The following KLHL7 variants were observed in gnomAD, a reference collection of about 807,000 sequenced individuals.
KLHL7 encodes the protein kelch like family member 7.
In KLHL7, 44 loss-of-function variants were observed where a neutral mutation model predicts 67.4. The ratio of observed to expected loss-of-function variants is 0.65; its 90% confidence interval spans 0.51 to 0.84. The LOEUF is 0.84. Ranked by LOEUF, KLHL7 falls within the 40% of genes least tolerant of loss-of-function variation. KLHL7 has a pLI of 0.00. For synonymous variants in KLHL7, 252 were observed against 243.3 expected, an observed-to-expected ratio of 1.04 and a Z score of -0.33; for missense variants, 362 against 718.1, an observed-to-expected ratio of 0.50 and a Z score of 5.67.
intron 5 of KLHL7, among the ~76,000 whole-genome samples, chr7:23,142,956 C>T (rs1456924995): frequency 6.6e-6 from 1 of 151,888 alleles, no homozygotes; most frequent in East Asian, 1.9e-4. Context: ...ACAAATATAC[C>T]ATACTAATGC....
chr7:23,168,811 T>C (rs1038062690), intron 9 of KLHL7, among the ~76,000 whole-genome samples: 1 of 152,218 alleles, frequency 6.6e-6, no homozygotes, highest in Non-Finnish European at 1.5e-5. Flanking sequence ...CCATCGTTCT[T>C]CCCTTACTAG....
At position 23,174,111 on chromosome 7, in the gene KLHL7, C is replaced by T; in HGVS notation, c.1574C>T (p.Ala525Val). 6.2e-7 allele frequency: 1 copy of T among 1,614,198 alleles called. No individual in the cohort carries two copies. Among genetic ancestry groups the T allele is most frequent in the Non-Finnish European group, 8.5e-7 (1 of 1,180,024 alleles). The change falls in exon 11 of 11, where the codon GCA (alanine) becomes GTA (valine). Residue 525 changes from alanine (A) to valine (V), a missense_variant. Physicochemically the swap from Ala to Val is moderately conservative, Grantham distance 64. Transcript: ENST00000339077. Reference protein sequence around the residue: ...PWKGVTVKCAAVGSIVYVLAG... With the variant: ...PWKGVTVKCAVVGSIVYVLAG... ...AAGGGTGTAACAGTGAAATGTGCAG[C>T]AGTTGGCTCTATAGTTTATGTCTTG...
intron 9 of KLHL7, among the ~76,000 whole-genome samples, chr7:23,172,633 TG>T (rs531953822): frequency 2.0e-4 from 31 of 152,360 alleles, no homozygotes; most frequent in African/African-American, 5.5e-4. Context: ...TCTTCTTTTT[TG>T]TTCCCATATT....
intron 1 of KLHL7, chr7:23,106,589 A>G: frequency 9.6e-6 from 10 of 1,037,004 alleles, no homozygotes; most frequent in Non-Finnish European, 1.2e-5. Context: ...GCTCTTAAAT[A>G]AGGATCCCCG....
intron 4 of KLHL7, among the ~76,000 whole-genome samples, chr7:23,133,926 T>C (rs1416829117): frequency 6.6e-6 from 1 of 152,204 alleles, no homozygotes; most frequent in Non-Finnish European, 1.5e-5. Context: ...CCTTTCTGGT[T>C]TGGCTGCCTC....
At chr7:23,106,456 G>A in intron 1 of KLHL7, 6 of 1,222,582 alleles carry the variant, frequency 4.9e-6, no homozygotes, top group East Asian at 4.8e-5. Context: ...CTCTTTGTGG[G>A]GCGAGGATCC....
At chr7:23,121,360 C>T (rs1207239806) in intron 1 of KLHL7, among the ~76,000 whole-genome samples, 1 of 152,090 alleles carries the variant, frequency 6.6e-6, no homozygotes, top group Non-Finnish European at 1.5e-5. Context: ...AATCACAACT[C>T]ACTGCAACCT....
intron 1 of KLHL7, among the ~76,000 whole-genome samples, chr7:23,110,659 C>T (rs1416689857): frequency 6.6e-6 from 1 of 151,518 alleles, no homozygotes; most frequent in East Asian, 1.9e-4. Context: ...TACATGTGCA[C>T]AATGTGCAGG....
chr7:23,126,645 T>C (rs1352281685), intron 4 of KLHL7, among the ~76,000 whole-genome samples: 1 of 152,186 alleles, frequency 6.6e-6, no homozygotes, highest in East Asian at 1.9e-4. Flanking sequence ...TTTGTAGGCT[T>C]TCCTCCTTCC....
chr7:23,167,044 G>C (rs1026620504), intron 8 of KLHL7, among the ~76,000 whole-genome samples: 3 of 151,832 alleles, frequency 2.0e-5, no homozygotes, highest in African/African-American at 7.3e-5. Flanking sequence ...AATTATAAAG[G>C]TGTTGTCGTT....
At chr7:23,111,752 G>A (rs1248891446) in intron 1 of KLHL7, among the ~76,000 whole-genome samples, 1 of 146,226 alleles carries the variant, frequency 6.8e-6, no homozygotes, top group Non-Finnish European at 1.5e-5. Context: ...AACCCGGGAG[G>A]CAGAGGTTGT....
intron 4 of KLHL7, among the ~76,000 whole-genome samples, chr7:23,132,595 G>C (rs138856836): frequency 1.8e-3 from 276 of 152,200 alleles, no homozygotes; most frequent in African/African-American, 6.4e-3. Context: ...TCTATAGGTT[G>C]TCTCTTCACT....
intron 3 of KLHL7, 21 bp from the exon 4 acceptor site, chr7:23,125,027 T>C (rs1173374852): frequency 6.2e-7 from 1 of 1,602,658 alleles, no homozygotes; most frequent in South Asian, 1.1e-5. Flanking sequence ...GTAACTAATA[T>C]TCCCTCTAAC....
intron 1 of KLHL7, among the ~76,000 whole-genome samples, chr7:23,114,522 C>T (rs148597466): frequency 5.8e-4 from 89 of 152,262 alleles, no homozygotes; most frequent in African/African-American, 2.1e-3. Flanking sequence ...CCCCAAACTC[C>T]AGCACAAAGT....
At chr7:23,113,879 G>C (rs1782979157) in intron 1 of KLHL7, among the ~76,000 whole-genome samples, 1 of 152,152 alleles carries the variant, frequency 6.6e-6, no homozygotes, top group South Asian at 2.1e-4. Flanking sequence ...TGGTTGCCAG[G>C]CTGTTAATTC....
intron 1 of KLHL7, chr7:23,117,700 A>G (rs1019271297): frequency 2.4e-6 from 2 of 825,672 alleles, no homozygotes; most frequent in Admixed American, 5.9e-5. Context: ...GACAAATGTG[A>G]TTTCTAGAGA....
intron 7 of KLHL7, among the ~76,000 whole-genome samples, chr7:23,157,111 A>G (rs1290390656): frequency 6.6e-6 from 1 of 152,198 alleles, no homozygotes; most frequent in Non-Finnish European, 1.5e-5. Context: ...GTACGATTTT[A>G]AAAGATCATG....
At chr7:23,150,875 A>G (rs2390754) in intron 6 of KLHL7, among the ~76,000 whole-genome samples, 55,153 of 152,068 alleles carry the variant, frequency 0.36, 10,385 homozygotes, top group African/African-American at 0.45. Flanking sequence ...ATCTTTTCAT[A>G]TGTTTAAGAG....
At chr7:23,131,545 T>C (rs577564794) in intron 4 of KLHL7, among the ~76,000 whole-genome samples, 1 of 152,226 alleles carries the variant, frequency 6.6e-6, no homozygotes, top group South Asian at 2.1e-4. Context: ...ATGTGGTATA[T>C]AAAATGTTTT....
Sources: allele counts gnomAD v4.1 joint callset (sites outside exome capture counted in the v4.1 genomes callset), GRCh38; gene constraint gnomAD v4.1.1; transcripts MANE v1.5; gene names NCBI Gene and HGNC (gene_info 2026-07-23, HGNC 2026-07-21).